Variants in ITPRID1 observed in about 807,000 individuals in gnomAD.
ITPRID1 encodes the protein protein ITPRID1.
ITPRID1 carries 96 observed loss-of-function variants against 95.4 expected under a neutral mutation model. The ratio of observed to expected loss-of-function variants is 1.01; its 90% CI spans 0.85 to 1.19. The LOEUF is 1.19. Ranked by LOEUF, ITPRID1 falls within the 50% of genes most tolerant of loss-of-function variation. ITPRID1 has a pLI of 0.00. For synonymous variants in ITPRID1, 510 were observed against 453.6 expected, an observed-to-expected ratio of 1.12 and a Z score of -1.58; for missense variants, 1,339 against 1,252.9, an observed-to-expected ratio of 1.07 and a Z score of -1.04.
At position 31,553,444 on chromosome 7, in the gene ITPRID1, C is replaced by G. The variant is rs28539294; in HGVS notation, c.163+257C>G. Among the ~76,000 whole-genome samples, 582 of 152,290 alleles carry G rather than the reference C, an allele frequency of 3.8e-3. 5 individuals carry two copies. Among genetic ancestry groups the G allele is most frequent in the African/African-American group, 0.014 (566 of 41,566 alleles). ...TGCTTCCTTTCCACTCCAAACATCC[C>G]TCATCCTAAGTTCCCAGGACTTTGA... On this transcript the variant is annotated intron_variant, in intron 3 of 14. Coordinates refer to ENST00000615280, the MANE Select transcript of ITPRID1 (RefSeq NM_001257967.3).
At chr7:31,522,125 T>A (rs1036318465) in intron 1 of ITPRID1, among the ~76,000 whole-genome samples, 1 of 152,120 alleles carries the variant, frequency 6.6e-6, no homozygotes, top group Non-Finnish European at 1.5e-5. Context: ...TCATTACTCA[T>A]CTCATTACTG....
At chr7:31,591,645 A>G (rs1478337825) in intron 10 of ITPRID1, among the ~76,000 whole-genome samples, 1 of 152,192 alleles carries the variant, frequency 6.6e-6, no homozygotes, top group Admixed American at 6.5e-5. Flanking sequence ...AGTATGAGCA[A>G]GTTTTAGTAA....
At chr7:31,519,620 C>CTCTCTCTCTCTATATATATA in intron 1 of ITPRID1, among the ~76,000 whole-genome samples, 34 of 25,252 alleles carry the variant, frequency 1.3e-3, no homozygotes, top group South Asian at 2.1e-3. Context: ...CTCTCTCTCT[C>CTCTCTCTCTCTATATATATA]TATATATATA....
intron 6 of ITPRID1, among the ~76,000 whole-genome samples, chr7:31,571,411 T>G (rs1784984273): frequency 6.6e-6 from 1 of 152,218 alleles, no homozygotes; most frequent in Admixed American, 6.5e-5. Context: ...ATATCTGCAT[T>G]GTATTTTTAA....
chr7:31,537,584 T>C (rs962141354), intron 1 of ITPRID1, among the ~76,000 whole-genome samples: 3 of 152,200 alleles, frequency 2.0e-5, no homozygotes, highest in Admixed American at 2.0e-4. Flanking sequence ...ACATTTGACA[T>C]TTTATTTTAT....
rs1202733579 is a variant in ITPRID1, at chr7:31,655,986, C to T, written c.*3157C>T. ...CAATTCTATTCCCCTAAACCACCTCCTGTGTTCCTGCTTCCTCTCCTTTGC... is the reference window on the plus strand; with the variant it reads ...CAATTCTATTCCCCTAAACCACCTCTTGTGTTCCTGCTTCCTCTCCTTTGC... On this transcript the variant is annotated 3_prime_UTR_variant, in exon 15 of 15. Coordinates refer to ENST00000615280, the MANE Select transcript of ITPRID1 (RefSeq NM_001257967.3). The T allele has an allele frequency of 1.0e-6, 1 of 985,318 alleles. No individual in the cohort carries two copies. Among genetic ancestry groups the T allele is most frequent in the African/African-American group, 1.7e-5 (1 of 57,230 alleles). The allele number at this position is 985,318 out of a possible 1,614,324, so 61.0% of individuals were successfully genotyped here.
At chr7:31,617,997 G>A (rs925004226) in intron 10 of ITPRID1, among the ~76,000 whole-genome samples, 6 of 152,156 alleles carry the variant, frequency 3.9e-5, no homozygotes, top group South Asian at 2.1e-4. Flanking sequence ...TAGATAAACT[G>A]TTTATGCTGT....
At chr7:31,559,786 C>T (rs972295318) in intron 5 of ITPRID1, among the ~76,000 whole-genome samples, 4 of 152,184 alleles carry the variant, frequency 2.6e-5, no homozygotes, top group Non-Finnish European at 5.9e-5. Context: ...CAGCTTCTTC[C>T]TGCAGCCCAT....
At chr7:31,616,858 T>TAACAGATACCAGATACC (rs1448412221) in intron 10 of ITPRID1, among the ~76,000 whole-genome samples, 2 of 151,394 alleles carry the variant, frequency 1.3e-5, no homozygotes, top group African/African-American at 4.9e-5. Context: ...AAACCTCTCT[T>TAACAGATACCAGATACC]AACAGATACC....
intron 10 of ITPRID1, among the ~76,000 whole-genome samples, chr7:31,593,762 T>C (rs1391378484): frequency 1.3e-5 from 2 of 152,192 alleles, no homozygotes; most frequent in South Asian, 2.1e-4. Context: ...TACTGTAATA[T>C]AGATAATGTT....
chr7:31,582,332 A>G (rs1295798027), intron 9 of ITPRID1, among the ~76,000 whole-genome samples: 3 of 152,234 alleles, frequency 2.0e-5, no homozygotes, highest in African/African-American at 4.8e-5. Context: ...TGACTATGTG[A>G]CAATATCCAG....
chr7:31,525,599 A>C (rs1303924581), intron 1 of ITPRID1, among the ~76,000 whole-genome samples: 2 of 152,220 alleles, frequency 1.3e-5, no homozygotes, highest in Non-Finnish European at 2.9e-5. Flanking sequence ...GATCTTTACT[A>C]TAGAAAGATT....
chr7:31,604,904 G>A (rs912112403), intron 10 of ITPRID1, among the ~76,000 whole-genome samples: 1 of 152,166 alleles, frequency 6.6e-6, no homozygotes, highest in African/African-American at 2.4e-5. Context: ...GGGAGGTTGA[G>A]GCAGGAGGAT....
At chr7:31,630,256 A>AAC (rs1172224248) in intron 10 of ITPRID1, among the ~76,000 whole-genome samples, 1 of 151,580 alleles carries the variant, frequency 6.6e-6, no homozygotes, top group Non-Finnish European at 1.5e-5. Flanking sequence ...AAAAAAAAAA[A>AAC]AAAAAACATT....
intron 1 of ITPRID1, among the ~76,000 whole-genome samples, chr7:31,547,268 C>T (rs1011033212): frequency 1.3e-5 from 2 of 152,102 alleles, no homozygotes; most frequent in African/African-American, 2.4e-5. Flanking sequence ...TAATGGCTCC[C>T]GTATTAGTGA....
intron 1 of ITPRID1, among the ~76,000 whole-genome samples, chr7:31,516,576 A>G (rs1583447899): frequency 6.6e-6 from 1 of 152,226 alleles, no homozygotes; most frequent in African/African-American, 2.4e-5. Flanking sequence ...CACAGATAAT[A>G]GTTGGCAGCA....
chr7:31,633,120 C>T (rs574480651), intron 10 of ITPRID1, among the ~76,000 whole-genome samples: 6 of 151,816 alleles, frequency 4.0e-5, no homozygotes, highest in Non-Finnish European at 7.4e-5. Flanking sequence ...CTCCTGACCT[C>T]GTGATCTGCC....
In ITPRID1 at chr7:31,553,261, G is replaced by A; in HGVS notation, c.163+74G>A. 9 of 1,387,168 alleles carry A rather than the reference G, an allele frequency of 6.5e-6. No individual in the cohort carries two copies. The East Asian group carries it at 2.3e-4, about 35-fold the overall frequency. The allele number at this position is 1,387,168 out of a possible 1,614,324, so 85.9% of individuals were successfully genotyped here. ...GAGGGATGTGGGAGCTTTTGGCCAG[G>A]GGCAGGTGATTTTGGAACAAAAGTA... On this transcript the variant is annotated intron_variant, in intron 3 of 14. Transcript: ENST00000615280.
At chr7:31,582,196 A>C (rs1342698318) in intron 9 of ITPRID1, among the ~76,000 whole-genome samples, 1 of 152,200 alleles carries the variant, frequency 6.6e-6, no homozygotes, top group Non-Finnish European at 1.5e-5. Flanking sequence ...CAGTGGGAGA[A>C]TTGTTAAGTA....
Sources: allele counts gnomAD v4.1 joint callset (sites outside exome capture counted in the v4.1 genomes callset), GRCh38; gene constraint gnomAD v4.1.1; transcripts MANE v1.5; gene names NCBI Gene and HGNC (gene_info 2026-07-23, HGNC 2026-07-21).